The following IL15 variants were observed in gnomAD, a reference collection of about 807,000 sequenced individuals.
The protein encoded by IL15 is interleukin 15, also known as interleukin-15.
In IL15, 11 loss-of-function variants were observed where a neutral mutation model predicts 19.6. That is an observed-to-expected ratio of 0.56 (90% CI 0.35 to 0.93). IL15 has a LOEUF of 0.93. Among genes scored for constraint, IL15 ranks in the 40% least tolerant of loss-of-function variants. The pLI, the probability that IL15 is intolerant of heterozygous loss-of-function variation, is 0.01. For synonymous variants in IL15, 58 were observed against 59.6 expected (o/e 0.97, Z 0.12); for missense variants, 197 against 186.5 (o/e 1.06, Z -0.33).
intron 2 of IL15, among the ~76,000 whole-genome samples, chr4:141,679,645 G>T (rs775242895): frequency 6.6e-6 from 1 of 152,068 alleles, no homozygotes; most frequent in Non-Finnish European, 1.5e-5. Context: ...GATTATTTCT[G>T]CTGTCTAGGA....
At chr4:141,663,609 T>C (rs1250860445) in intron 2 of IL15, among the ~76,000 whole-genome samples, 1 of 152,234 alleles carries the variant, frequency 6.6e-6, no homozygotes, top group Non-Finnish European at 1.5e-5. Context: ...CAACAAGGCC[T>C]GTTCAGATTC....
chr4:141,642,744 C>T (rs1727093471), intron 1 of IL15, among the ~76,000 whole-genome samples: 1 of 152,222 alleles, frequency 6.6e-6, no homozygotes, highest in African/African-American at 2.4e-5. Flanking sequence ...TTTCTGTCCC[C>T]ACCTACTGCC....
intron 1 of IL15, among the ~76,000 whole-genome samples, 178 bp from the exon 2 acceptor site, chr4:141,656,008 G>T (rs1727580461): frequency 6.6e-6 from 1 of 152,162 alleles, no homozygotes; most frequent in South Asian, 2.1e-4. Context: ...GGAACTCTGA[G>T]GATTGTAGAA....
chr4:141,672,982 G>A (rs376055588), intron 2 of IL15, among the ~76,000 whole-genome samples: 14 of 152,076 alleles, frequency 9.2e-5, no homozygotes, highest in African/African-American at 3.4e-4. Context: ...AGCACCCTCC[G>A]CTAATGCCTC....
At chr4:141,704,892 A>G (rs994465071) in intron 2 of IL15, among the ~76,000 whole-genome samples, 1 of 151,508 alleles carries the variant, frequency 6.6e-6, no homozygotes, top group African/African-American at 2.4e-5. Context: ...ATAGTCTCTC[A>G]TGATCCTTTG....
At chr4:141,697,357 C>T (rs2152180084) in intron 2 of IL15, among the ~76,000 whole-genome samples, 1 of 152,126 alleles carries the variant, frequency 6.6e-6, no homozygotes, top group Middle Eastern at 3.4e-3. Flanking sequence ...CTAGTCTGTT[C>T]CATTGGTCTA....
intron 2 of IL15, among the ~76,000 whole-genome samples, chr4:141,685,317 G>C (rs1343726850): frequency 6.6e-6 from 1 of 152,152 alleles, no homozygotes. Flanking sequence ...AGATGTAATT[G>C]ATAATTTTTT....
intron 2 of IL15, among the ~76,000 whole-genome samples, chr4:141,694,320 G>T (rs1173870487): frequency 6.6e-6 from 1 of 152,166 alleles, no homozygotes; most frequent in Non-Finnish European, 1.5e-5. Flanking sequence ...TAAAATAGCT[G>T]GGCATTATTA....
At chr4:141,647,782 C>T (rs775642052) in intron 1 of IL15, among the ~76,000 whole-genome samples, 39 of 152,008 alleles carry the variant, frequency 2.6e-4, no homozygotes, top group Non-Finnish European at 4.7e-4. Flanking sequence ...GTTTTCCTGG[C>T]GAGACACTAT....
intron 6 of IL15, among the ~76,000 whole-genome samples, 154 bp from the exon 7 acceptor site, chr4:141,729,692 GA>G (rs1365182302): frequency 7.3e-5 from 11 of 151,716 alleles, no homozygotes; most frequent in East Asian, 5.8e-4. Context: ...AAAGCCAAAA[GA>G]AAAAAAATTA....
intron 5 of IL15, among the ~76,000 whole-genome samples, chr4:141,723,868 G>T (rs1230110624): frequency 6.6e-6 from 1 of 152,030 alleles, no homozygotes; most frequent in African/African-American, 2.4e-5. Flanking sequence ...AGGGATAAAA[G>T]AGAAATAGAC....
intron 1 of IL15, among the ~76,000 whole-genome samples, chr4:141,652,243 G>A (rs1416313748): frequency 6.6e-6 from 1 of 152,064 alleles, no homozygotes; most frequent in Admixed American, 6.6e-5. Context: ...GTACTAAAAC[G>A]GACTATTCTC....
At chr4:141,664,474 A>G (rs1727903566) in intron 2 of IL15, among the ~76,000 whole-genome samples, 1 of 151,948 alleles carries the variant, frequency 6.6e-6, no homozygotes, top group Non-Finnish European at 1.5e-5. Flanking sequence ...ATCACCAAGC[A>G]TTTTCCCCCT....
chr4:141,657,246 C>T (rs1427808983), intron 2 of IL15, among the ~76,000 whole-genome samples: 3 of 151,916 alleles, frequency 2.0e-5, no homozygotes, highest in Admixed American at 6.6e-5. Context: ...TGCATAGGCC[C>T]CTTAAGATGG....
At chr4:141,678,572 GAAA>G (rs113596407) in intron 2 of IL15, among the ~76,000 whole-genome samples, 2 of 131,536 alleles carry the variant, frequency 1.5e-5, no homozygotes, top group African/African-American at 5.5e-5. Context: ...TGCACACAAT[GAAA>G]AAAAAAAAAG....
intron 2 of IL15, among the ~76,000 whole-genome samples, chr4:141,690,920 G>T (rs991047010): frequency 6.6e-6 from 1 of 152,084 alleles, no homozygotes; most frequent in African/African-American, 2.4e-5. Context: ...CCAGGAAAGC[G>T]CTTTTCTTCT....
intron 1 of IL15, among the ~76,000 whole-genome samples, chr4:141,644,894 G>A (rs1193950831): frequency 6.6e-6 from 1 of 152,130 alleles, no homozygotes; most frequent in Non-Finnish European, 1.5e-5. Flanking sequence ...AGCAATACAT[G>A]TTCCGGATTA....
chr4:141,709,112 A>C lies in IL15; in HGVS notation c.-99-10254A>C, dbSNP rs1356145327. On this transcript the variant is annotated intron_variant, in intron 2 of 7. Coordinates refer to ENST00000320650, the MANE Select transcript of IL15 (RefSeq NM_000585.5). ...TATTGAAAAATTTCAATATTATTGA[A>C]ATTTTCAGAATTCAATATTCAATTT... Among the ~76,000 whole-genome samples the C allele has an allele frequency of 2.7e-5, 4 of 146,328 alleles. 1 individual carries two copies. The highest frequency in any genetic ancestry group is 1.0e-4 in the African/African-American group (4 of 39,646).
chr4:141,720,059 A>G (rs915533398), intron 3 of IL15, among the ~76,000 whole-genome samples: 2 of 152,146 alleles, frequency 1.3e-5, no homozygotes, highest in Admixed American at 1.3e-4. Context: ...AGTTAATATA[A>G]CTATTGCATC....
Sources: allele counts gnomAD v4.1 joint callset (sites outside exome capture counted in the v4.1 genomes callset), GRCh38; gene constraint gnomAD v4.1.1; transcripts MANE v1.5; gene names NCBI Gene and HGNC (gene_info 2026-07-23, HGNC 2026-07-21).